NAV3: variants seen among roughly 807,000 people sequenced by gnomAD.
NAV3 encodes the protein pore membrane and/or filament interacting like protein 1.
Under a neutral mutation model 244.7 loss-of-function variants are expected in NAV3, and 87 were observed. That is an observed-to-expected ratio of 0.36 (90% confidence interval 0.30 to 0.42). The LOEUF is 0.42. NAV3 is among the 20% of genes least tolerant of loss of function. The probability of loss-of-function intolerance (pLI) is 1.00; values close to 1 mark genes in which losing one functional copy is unlikely to be tolerated. For synonymous variants in NAV3, 1,126 were observed against 1,042.2 expected (o/e 1.08, Z -1.55); for missense variants, 2,663 against 2,893.3 (o/e 0.92, Z 1.83).
chr12:78,166,186 G>T (rs887222506), intron 23 of NAV3, among the ~76,000 whole-genome samples: 3 of 151,784 alleles, frequency 2.0e-5, no homozygotes, highest in African/African-American at 4.8e-5. Context: ...AGGAAAACAG[G>T]TTTCACAAGT....
chr12:77,718,206 A>G (rs1378927371), intron 2 of NAV3, among the ~76,000 whole-genome samples: 1 of 152,146 alleles, frequency 6.6e-6, no homozygotes, highest in Admixed American at 6.6e-5. Context: ...TTATGGTTTC[A>G]GTTCTATGTT....
rs375565099 is a variant in NAV3 at position 78,119,506 on chromosome 12, G to A, written c.3310G>A (p.Gly1104Arg). ...AATTCCAAAATCTGCTGCCATTGGC[G>A]GGAAGTCAAATGCAGGGAGAAAAAC... ...GKIPKSAAIG[G>R]KSNAGRKTSL... The change falls in exon 15 of 40, where the codon GGG (glycine) becomes AGG (arginine). Residue 1104 changes from glycine (G) to arginine (R), a missense_variant. Gly to Arg is a moderately radical substitution (Grantham distance 125). Around this residue, in one of 6 missense-constraint regions of NAV3, gnomAD observed 1,521 missense variants for 1,497.0 expected, o/e 1.02. Coordinates refer to ENST00000397909, the MANE Select transcript of NAV3 (RefSeq NM_001024383.2). 223 of 1,614,146 alleles carry A rather than the reference G, an allele frequency of 1.4e-4. 1 individual carries two copies. In the African/African-American group the frequency reaches 2.7e-3, roughly 19 times the overall value.
At chr12:77,698,880 G>A (rs954907622) in intron 2 of NAV3, among the ~76,000 whole-genome samples, 1 of 152,064 alleles carries the variant, frequency 6.6e-6, no homozygotes, top group Non-Finnish European at 1.5e-5. Context: ...GGTTGGAATA[G>A]CAGGGGTTTG....
chr12:78,049,038 C>G (rs1386340441), intron 9 of NAV3, among the ~76,000 whole-genome samples: 3 of 152,210 alleles, frequency 2.0e-5, no homozygotes, highest in African/African-American at 7.2e-5. Flanking sequence ...AGCACCTACT[C>G]AAGCCTCAGT....
rs79365589 is a variant in NAV3 at position 78,183,475 on chromosome 12, G to T, written c.5693-2126G>T. ...TTATAGCTGAGGAAGCCAAGACTTA[G>T]GAAAGTGACTGTAACAATTTGTTCA... On this transcript the variant is annotated intron_variant, in intron 30 of 39. Transcript: ENST00000397909. Among the ~76,000 whole-genome samples the T allele has an allele frequency of 5.4e-4, 82 of 152,020 alleles. No homozygotes were observed. The East Asian group carries it at 0.015, about 28-fold the overall frequency.
chr12:77,971,912 C>G (rs745413749), intron 5 of NAV3, among the ~76,000 whole-genome samples: 2 of 152,198 alleles, frequency 1.3e-5, no homozygotes, highest in Non-Finnish European at 1.5e-5. Flanking sequence ...CATATTTCCA[C>G]AACATTTATT....
intron 2 of NAV3, among the ~76,000 whole-genome samples, chr12:77,816,001 G>C (rs1474481518): frequency 1.3e-5 from 2 of 152,090 alleles, no homozygotes; most frequent in African/African-American, 4.8e-5. Context: ...GATTTTAGAG[G>C]ACAGGGAGCT....
At chr12:77,769,779 A>G (rs1036941656) in intron 2 of NAV3, among the ~76,000 whole-genome samples, 2 of 152,198 alleles carry the variant, frequency 1.3e-5, no homozygotes, top group Non-Finnish European at 2.9e-5. Flanking sequence ...TTATTATTAG[A>G]CAGTACTTGA....
At chr12:77,960,450 T>TACACACAC (rs35625985) in intron 3 of NAV3, among the ~76,000 whole-genome samples, 31 of 144,398 alleles carry the variant, frequency 2.1e-4, no homozygotes, top group South Asian at 6.6e-4. Context: ...TATATATATA[T>TACACACAC]ACACACACAC....
intron 35 of NAV3, among the ~76,000 whole-genome samples, chr12:78,198,243 A>C (rs1959218478): frequency 1.3e-5 from 2 of 152,094 alleles, no homozygotes; most frequent in Admixed American, 6.6e-5. Context: ...TAACATAACT[A>C]TGAAATATTA....
intron 2 of NAV3, among the ~76,000 whole-genome samples, chr12:77,752,654 G>A (rs1868919428): frequency 6.6e-6 from 1 of 152,038 alleles, no homozygotes. Flanking sequence ...GTCTAGGCAG[G>A]TTATTTAGCC....
Position 77,933,782 on chromosome 12 carries a change from A to G in NAV3, c.244-6537A>G, listed in dbSNP as rs535964511. Among the ~76,000 whole-genome samples the G allele has an allele frequency of 2.0e-5, 3 of 152,348 alleles. No individual in the cohort carries two copies. The East Asian group carries it at 5.8e-4, about 29-fold the overall frequency. On this transcript the variant is annotated intron_variant, in intron 1 of 39. Transcript: ENST00000397909. ...GGACTCATTCACAGATCTTTTGGTC[A>G]TATCAGTTCTGTAACAACAACTGCA...
At chr12:77,771,674 A>G (rs1439042108) in intron 2 of NAV3, among the ~76,000 whole-genome samples, 1 of 152,176 alleles carries the variant, frequency 6.6e-6, no homozygotes, top group East Asian at 1.9e-4. Context: ...CAAAAAACCA[A>G]ACACTGCATG....
intron 2 of NAV3, among the ~76,000 whole-genome samples, chr12:77,814,550 T>G (rs1872450613): frequency 6.6e-6 from 1 of 152,030 alleles, no homozygotes; most frequent in Non-Finnish European, 1.5e-5. Context: ...AGCTGATGTG[T>G]GGTAAGCAGA....
At chr12:77,836,182 A>G (rs1327048674) in intron 1 of NAV3, among the ~76,000 whole-genome samples, 1 of 152,208 alleles carries the variant, frequency 6.6e-6, no homozygotes, top group Non-Finnish European at 1.5e-5. Flanking sequence ...GTTAAGGTTA[A>G]GAAAGAGTGT....
chr12:78,159,141 C>G (rs1957421238), intron 22 of NAV3, 62 bp from the exon 23 acceptor site: 1 of 1,404,640 alleles, frequency 7.1e-7, no homozygotes, highest in Admixed American at 1.9e-5. Flanking sequence ...AAAATGAAGG[C>G]TTTTCATCCA....
intron 2 of NAV3, among the ~76,000 whole-genome samples, chr12:77,805,399 G>A (rs1871924125): frequency 6.6e-6 from 1 of 152,152 alleles, no homozygotes; most frequent in Non-Finnish European, 1.5e-5. Context: ...TTTATCAAAG[G>A]TCTTTTCTGC....
chr12:77,636,970 T>G (rs1872185231), intron 2 of NAV3, among the ~76,000 whole-genome samples: 1 of 151,776 alleles, frequency 6.6e-6, no homozygotes, highest in African/African-American at 2.4e-5. Context: ...GAGGGGAACA[T>G]CACACACTGG....
At chr12:77,823,072 A>G (rs1056556044) in intron 2 of NAV3, among the ~76,000 whole-genome samples, 9 of 152,170 alleles carry the variant, frequency 5.9e-5, no homozygotes, top group African/African-American at 1.7e-4. Flanking sequence ...AAGAAGGGTA[A>G]TCAAAGGGGA....
Sources: allele counts gnomAD v4.1 joint callset (sites outside exome capture counted in the v4.1 genomes callset), GRCh38; gene constraint gnomAD v4.1.1; regional missense constraint gnomAD v4.1.1; transcripts MANE v1.5; gene names NCBI Gene and HGNC (gene_info 2026-07-23, HGNC 2026-07-21).